SLC2A14: variants seen among roughly 807,000 people sequenced by gnomAD.
The protein encoded by SLC2A14 is solute carrier family 2 member 14.
A neutral mutation model predicts 43.0 loss-of-function variants in SLC2A14; 13 were observed. The observed-to-expected ratio is 0.30, with a 90% CI of 0.20 to 0.48. The LOEUF (loss-of-function observed/expected upper bound fraction) is 0.48. SLC2A14 is among the 20% of genes least tolerant of loss of function. The pLI, the probability that SLC2A14 is intolerant of heterozygous loss-of-function variation, is 0.99. For synonymous variants in SLC2A14, 190 were observed against 233.8 expected (o/e 0.81, Z 1.71); for missense variants, 428 against 620.4 (o/e 0.69, Z 3.29).
intron 10 of SLC2A14, among the ~76,000 whole-genome samples, chr12:7,817,364 C>T (rs1269003601): frequency 1.3e-5 from 2 of 152,164 alleles, no homozygotes; most frequent in Admixed American, 6.5e-5. Flanking sequence ...ATCTGCCTGC[C>T]TCAGCCGCCC....
intron 2 of SLC2A14, among the ~76,000 whole-genome samples, chr12:7,849,891 C>T (rs1412704845): frequency 9.1e-5 from 13 of 142,282 alleles, no homozygotes; most frequent in South Asian, 2.2e-4. Flanking sequence ...GGTGACAGAG[C>T]GAGACTCCAT....
intron 2 of SLC2A14, among the ~76,000 whole-genome samples, chr12:7,852,692 T>A (rs1406955538): frequency 6.6e-6 from 1 of 152,062 alleles, no homozygotes; most frequent in Admixed American, 6.6e-5. Context: ...AACAAAAATA[T>A]CTCCAGATAT....
At chr12:7,819,290 A>T (rs951356290) in intron 9 of SLC2A14, among the ~76,000 whole-genome samples, 192 bp downstream of exon 9, 8 of 152,214 alleles carry the variant, frequency 5.3e-5, no homozygotes, top group African/African-American at 1.9e-4. Flanking sequence ...TGTTCTCTAA[A>T]TGTAAAGATT....
At chr12:7,874,596 C>T (rs1016188087), upstream of SLC2A14, among the ~76,000 whole-genome samples, 8 of 150,402 alleles carry the variant, frequency 5.3e-5, no homozygotes, top group Non-Finnish European at 8.9e-5. Flanking sequence ...TGCTTGAACC[C>T]GGGAGGTGGA....
At chr12:7,887,919 T>C (rs570528065) in intron 1 of SLC2A14, among the ~76,000 whole-genome samples, 4 of 152,288 alleles carry the variant, frequency 2.6e-5, no homozygotes, top group African/African-American at 9.6e-5. Context: ...CTTTCTCTCA[T>C]TCAGAGTCAC....
chr12:7,844,483 G>A (rs1866289902), intron 2 of SLC2A14, among the ~76,000 whole-genome samples: 4 of 151,204 alleles, frequency 2.6e-5, no homozygotes, highest in Admixed American at 2.6e-4. Context: ...TTGTATACTT[G>A]TTGTATGCTT....
intron 1 of SLC2A14, among the ~76,000 whole-genome samples, chr12:7,884,906 A>G (rs1347860616): frequency 1.3e-5 from 2 of 152,150 alleles, no homozygotes; most frequent in East Asian, 3.8e-4. Flanking sequence ...AGAGGAAGTC[A>G]TAAATACCCT....
At chr12:7,863,871 A>C (rs1003774419) in intron 2 of SLC2A14, among the ~76,000 whole-genome samples, 8 of 147,698 alleles carry the variant, frequency 5.4e-5, no homozygotes, top group Middle Eastern at 3.6e-3. Flanking sequence ...GCTGGGGTGC[A>C]GTGGCATGAT....
rs938281287 is a variant in SLC2A14 at position 7,850,092 on chromosome 12, G to A, written c.19-17278C>T. Among the ~76,000 whole-genome samples, 2 of 151,294 alleles carry A rather than the reference G, an allele frequency of 1.3e-5. 1 individual carries two copies. The highest frequency in any genetic ancestry group is 7.0e-3 in the Middle Eastern group (2 of 286). ...TATTCACGTGGAAACACCCAGAAAG[G>A]CTTCTTGAAGTTGGTATTTGGAAGG... On this transcript the variant is annotated intron_variant, in intron 2 of 10. Coordinates refer to ENST00000431042, the MANE Select transcript of SLC2A14 (RefSeq NM_001286234.2).
intron 7 of SLC2A14, among the ~76,000 whole-genome samples, chr12:7,827,014 TCTTTCTCTC>T (rs1203158673): frequency 7.3e-6 from 1 of 137,428 alleles, no homozygotes; most frequent in African/African-American, 2.6e-5. Context: ...TCTCTCTCTC[TCTTTCTCTC>T]CTTTCTCTCT....
At chr12:7,862,911 C>T (rs929655296) in intron 2 of SLC2A14, among the ~76,000 whole-genome samples, 2 of 151,962 alleles carry the variant, frequency 1.3e-5, no homozygotes, top group Non-Finnish European at 2.9e-5. Flanking sequence ...GGATTGTAAA[C>T]GCACCAATCA....
In SLC2A14 at chr12:7,825,188, T is replaced by C. The variant is rs760751639; in HGVS notation, c.864+2307A>G. On this transcript the variant is annotated intron_variant, in intron 7 of 10. Transcript: ENST00000431042. Reference sequence around the variant, plus strand: ...CAATAATTAAGGTATAGGCTGGGCATGGTGGCTCATGCCTGTAATCCTAGC... The same window carrying C: ...CAATAATTAAGGTATAGGCTGGGCACGGTGGCTCATGCCTGTAATCCTAGC... Among the ~76,000 whole-genome samples, 61 of 151,704 alleles carry C rather than the reference T, an allele frequency of 4.0e-4. 1 individual carries two copies. In the South Asian group the frequency reaches 0.01, roughly 25 times the overall value.
At chr12:7,818,188 T>C (rs1863641332) in intron 9 of SLC2A14, among the ~76,000 whole-genome samples, 154 bp from the exon 10 acceptor site, 2 of 147,258 alleles carry the variant, frequency 1.4e-5, no homozygotes, top group Non-Finnish European at 3.0e-5. Context: ...TTTTTATTTT[T>C]ATATTTATTT....
intron 1 of SLC2A14, among the ~76,000 whole-genome samples, chr12:7,879,339 A>C (rs113106363): frequency 0.03 from 4,594 of 150,740 alleles, 227 homozygotes; most frequent in East Asian, 0.2. Flanking sequence ...ACAAAAAAAA[A>C]CAAAAGTTGC....
chr12:7,890,693 T>G, intron 1 of SLC2A14: 1 of 179,698 alleles, frequency 5.6e-6, no homozygotes, highest in Non-Finnish European at 1.2e-5. Context: ...CCCCTTCCCT[T>G]TGGTCTTTCA....
At chr12:7,889,015 T>C (rs1199512649) in intron 1 of SLC2A14, among the ~76,000 whole-genome samples, 1 of 151,972 alleles carries the variant, frequency 6.6e-6, no homozygotes, top group Non-Finnish European at 1.5e-5. Context: ...TTGGGCTAGA[T>C]ATAATTAAGA....
At chr12:7,871,620 C>A (rs1945238762) in intron 1 of SLC2A14, among the ~76,000 whole-genome samples, 1 of 151,986 alleles carries the variant, frequency 6.6e-6, no homozygotes. Flanking sequence ...CAGGGAAAGA[C>A]CGCCTTATGA....
At chr12:7,866,399 C>T (rs757599041) in intron 2 of SLC2A14, among the ~76,000 whole-genome samples, 2 of 151,966 alleles carry the variant, frequency 1.3e-5, no homozygotes, top group Non-Finnish European at 2.9e-5. Flanking sequence ...CTTGCTCTGT[C>T]GCCTAGGCTG....
chr12:7,876,045 G>A (rs534811709), upstream of SLC2A14, among the ~76,000 whole-genome samples: 106 of 151,936 alleles, frequency 7.0e-4, 2 homozygotes, highest in South Asian at 4.8e-3. Context: ...TCGGGAGGCC[G>A]AGGTGGGCAG....
Sources: gnomAD v4.1 joint callset for allele counts (sites outside exome capture counted in the v4.1 genomes callset) on GRCh38, gnomAD v4.1.1 for gene constraint, MANE v1.5 for transcripts, NCBI Gene and HGNC (gene_info 2026-07-23, HGNC 2026-07-21) for gene names.